TNRC18: variants seen among roughly 807,000 people sequenced by gnomAD.
TNRC18 encodes the protein trinucleotide repeat containing 18.
TNRC18 carries 69 observed loss-of-function variants against 226.7 expected under a neutral mutation model. That is an observed-to-expected ratio of 0.30 (90% CI 0.25 to 0.37). The LOEUF is 0.37. Ranked by LOEUF, TNRC18 falls within the 10% of genes least tolerant of loss-of-function variation. TNRC18 has a pLI of 1.00. For synonymous variants in TNRC18, 2,449 were observed against 1,927.6 expected (o/e 1.27, Z -7.09); for missense variants, 4,754 against 4,256.6 (o/e 1.12, Z -3.25).
chr7:5,415,078 A>G (rs1782091373), intron 2 of TNRC18, among the ~76,000 whole-genome samples: 1 of 151,952 alleles, frequency 6.6e-6, no homozygotes, highest in Admixed American at 6.6e-5. Flanking sequence ...CTGCCTCCTC[A>G]TTCCTCAGTT....
intron 18 of TNRC18, among the ~76,000 whole-genome samples, chr7:5,335,232 G>C (rs879731919): frequency 2.7e-5 from 4 of 147,558 alleles, no homozygotes; most frequent in Non-Finnish European, 4.5e-5. Flanking sequence ...GGACCCGGAG[G>C]TGGAGGCTGC....
intron 18 of TNRC18, among the ~76,000 whole-genome samples, chr7:5,338,826 A>T (rs1790379598): frequency 6.7e-6 from 1 of 148,904 alleles, no homozygotes; most frequent in Non-Finnish European, 1.5e-5. Context: ...AGGCTGAGGC[A>T]GGAGAATCAC....
chr7:5,400,146 C>T (rs1780982642), intron 2 of TNRC18, among the ~76,000 whole-genome samples: 1 of 152,080 alleles, frequency 6.6e-6, no homozygotes. Context: ...ATCCTCCCAC[C>T]TCGGCCTCCC....
chr7:5,370,994 C>A lies in TNRC18; in HGVS notation c.3600G>T (p.Leu1200=), dbSNP rs376015498. 2.1e-5 allele frequency: 33 copies of A among 1,606,846 alleles called. No individual in the cohort carries two copies. The highest frequency in any genetic ancestry group is 1.6e-4 in the East Asian group (7 of 44,884). The change falls in exon 11 of 30, where the codon CTG becomes CTT. Residue 1200 remains leucine, a synonymous_variant. Coordinates refer to ENST00000430969, the MANE Select transcript of TNRC18 (RefSeq NM_001080495.3). Reference sequence around the variant, plus strand: ...TGGCACTCAGCGCCTGGGCCTCCAACAGGCCACCTCCACAACCCCCTGCAG... The same window carrying A: ...TGGCACTCAGCGCCTGGGCCTCCAAAAGGCCACCTCCACAACCCCCTGCAG... ...PSPAGGCGGG[L]LEAQALSATG...
Position 5,308,068 on chromosome 7 carries a change from G to A in TNRC18, c.*38C>T, listed in dbSNP as rs1344737937. ...CAGTGATGGAGATGGGTCCCTGGCC[G>A]CCCTCGGGGCACAGGTGGCCCGCAG... On this transcript the variant is annotated 3_prime_UTR_variant, in exon 30 of 30. Coordinates refer to ENST00000430969, the MANE Select transcript of TNRC18 (RefSeq NM_001080495.3). 20 of 1,527,962 alleles carry A rather than the reference G, an allele frequency of 1.3e-5. No homozygotes were observed. The highest frequency in any genetic ancestry group is 3.6e-5 in the South Asian group (3 of 83,078). The allele number at this position is 1,527,962 out of a possible 1,614,324, so 94.7% of individuals were successfully genotyped here.
intron 2 of TNRC18, among the ~76,000 whole-genome samples, chr7:5,404,748 C>T (rs1472385399): frequency 1.4e-5 from 2 of 145,822 alleles, no homozygotes; most frequent in Admixed American, 6.9e-5. Flanking sequence ...ACCCCAGCAG[C>T]GCATGCACAC....
intron 1 of TNRC18, chr7:5,422,907 T>C (rs959482201): frequency 2.0e-5 from 3 of 152,202 alleles, no homozygotes; most frequent in Admixed American, 6.5e-5. Flanking sequence ...AAGAGATTCT[T>C]TGGGTAGCTT....
rs1214216755 is a variant in TNRC18 at position 5,394,662 on chromosome 7, G to A, written c.188-67C>T. The A allele has an allele frequency of 2.5e-5, 28 of 1,114,712 alleles. No individual in the cohort carries two copies. The highest frequency in any genetic ancestry group is 3.1e-5 in the Non-Finnish European group (26 of 840,000). The allele number at this position is 1,114,712 out of a possible 1,614,324, so 69.1% of individuals were successfully genotyped here. A position where few individuals can be genotyped will look rare whatever the true frequency, so the allele number is the denominator to read the frequency against. ...GGAGGCGCCGCCGCCCCAGCCCACC[G>A]CCCCGACCCACCGCCCCGAGACCGC... On this transcript the variant is annotated intron_variant, in intron 2 of 29. Coordinates refer to ENST00000430969, the MANE Select transcript of TNRC18 (RefSeq NM_001080495.3). This position sits in a 1 kb window ranked among gnomAD's most constrained non-coding sequence, Gnocchi z 4.5.
rs1393128382 is a variant in TNRC18, at chr7:5,377,826, C to T, written c.2255+96G>A. The T allele has an allele frequency of 1.1e-5, 14 of 1,261,386 alleles. No homozygotes were observed. Among genetic ancestry groups the T allele is most frequent in the African/African-American group, 1.5e-5 (1 of 68,400 alleles). The allele number at this position is 1,261,386 out of a possible 1,614,324, so 78.1% of individuals were successfully genotyped here. On this transcript the variant is annotated intron_variant, in intron 6 of 29. Coordinates refer to ENST00000430969, the MANE Select transcript of TNRC18 (RefSeq NM_001080495.3). This position sits in a 1 kb window ranked among gnomAD's most constrained non-coding sequence, Gnocchi z 5.8. ...CTCTCAGTACCATAGCATCCATGGT[C>T]GAGGGGCCAAGCCCACCTGGGGTCA...
At chr7:5,310,984 G>T (rs1412047761) in intron 27 of TNRC18, among the ~76,000 whole-genome samples, 1 of 151,706 alleles carries the variant, frequency 6.6e-6, no homozygotes, top group Non-Finnish European at 1.5e-5. Flanking sequence ...GCATGCACGT[G>T]CATGGATGCA....
chr7:5,324,237 G>A lies in TNRC18; in HGVS notation c.6419C>T (p.Ala2140Val). 1 of 1,609,766 alleles carries A rather than the reference G, an allele frequency of 6.2e-7. No homozygotes were observed. The highest frequency in any genetic ancestry group is 1.3e-5 in the African/African-American group (1 of 74,986). The change falls in exon 21 of 30, where the codon GCT (alanine) becomes GTT (valine). Residue 2140 changes from alanine (A) to valine (V), a missense_variant. Coordinates refer to ENST00000430969, the MANE Select transcript of TNRC18 (RefSeq NM_001080495.3). This position sits in a 1 kb window ranked among gnomAD's most constrained non-coding sequence, Gnocchi z 4.8. ...SEDEHLPRGG[A>V]VERPLTPAPR... ...ACCCGGGGTCAGCGGCCGCTCCACA[G>A]CCCCGCCACGCGGCAGGTGCTCGTC...
At chr7:5,393,022 G>T (rs1780412705) in intron 3 of TNRC18, among the ~76,000 whole-genome samples, 1 of 152,208 alleles carries the variant, frequency 6.6e-6, no homozygotes, top group Non-Finnish European at 1.5e-5. Context: ...AAAAAAAAGG[G>T]CCTAACAGTC....
chr7:5,387,446 G>A (rs1185214648), intron 5 of TNRC18, among the ~76,000 whole-genome samples: 1 of 152,214 alleles, frequency 6.6e-6, no homozygotes, highest in Non-Finnish European at 1.5e-5. Context: ...TGAAAGCAAC[G>A]TTCCGAACAC....
chr7:5,345,588 T>G lies in TNRC18; in HGVS notation c.5693A>C (p.Lys1898Thr). ...VQLEAKQKAR[K>T]KEERQSLLGT... ...CAGCAGGCTCTGCCGCTCCTCTTTC[T>G]TCCGGGCCTTCTGCTTGGCCTCCAG... The change falls in exon 18 of 30, where the codon AAG becomes ACG. Residue 1898 changes from lysine (K) to threonine (T), a missense_variant. Physicochemically the swap from Lys to Thr is moderately conservative, Grantham distance 78. Transcript: ENST00000430969. 1 of 1,330,348 alleles carries G rather than the reference T, an allele frequency of 7.5e-7. No homozygotes were observed. 82.4% of individuals were successfully genotyped at this position (1,330,348 alleles called of 1,614,324 possible). A position where few individuals can be genotyped will look rare whatever the true frequency, so the allele number is the denominator to read the frequency against.
At chr7:5,319,535 G>A (rs1261867438) in intron 24 of TNRC18, among the ~76,000 whole-genome samples, 1 of 151,932 alleles carries the variant, frequency 6.6e-6, no homozygotes, top group Non-Finnish European at 1.5e-5. Flanking sequence ...TTGAGACGTA[G>A]TCTCACTCTG....
chr7:5,330,318 C>T (rs891602596), intron 19 of TNRC18, among the ~76,000 whole-genome samples: 6 of 152,116 alleles, frequency 3.9e-5, no homozygotes, highest in Non-Finnish European at 7.4e-5. Context: ...CAGCCTTCAC[C>T]TCCTGGGCTC....
In TNRC18 at chr7:5,376,180, G is replaced by T; in HGVS notation, c.2653C>A (p.Leu885Met). Reference protein sequence around the residue: ...RATVPPLWPALYPPGRSPLHH... With the variant: ...RATVPPLWPAMYPPGRSPLHH... The stretch of plus-strand genomic sequence containing the variant: ...AGGGGGCTGCGGCCCGGCGGGTACA[G>T]GGCGGGCCAGAGGGGCGGTACGGTG... The change falls in exon 9 of 30, where the codon CTG (leucine) becomes ATG (methionine). Residue 885 changes from leucine (L) to methionine (M), a missense_variant. Physicochemically the swap from Leu to Met is conservative, Grantham distance 15 (BLOSUM62 2). Coordinates refer to ENST00000430969, the MANE Select transcript of TNRC18 (RefSeq NM_001080495.3). 6.4e-7 allele frequency: 1 copy of T among 1,561,798 alleles called. No homozygotes were observed. Among genetic ancestry groups the T allele is most frequent in the East Asian group, 2.3e-5 (1 of 42,982 alleles).
rs1167458261 is a variant in TNRC18 at position 5,345,775 on chromosome 7, GCTCCTCCTCCTCGTC to G, written c.5491_5505del (p.Asp1831_Glu1835del). 3 of 1,546,366 alleles carry G rather than the reference GCTCCTCCTCCTCGTC, an allele frequency of 1.9e-6. No individual in the cohort carries two copies. The highest frequency in any genetic ancestry group is 1.4e-5 in the African/African-American group (1 of 72,922). ...CCGCTGGCCTCGTCCTCCTCCTCGA[GCTCCTCCTCCTCGTC>G]CTCCTCCTCCGAGCTCTCATCTGGC... On this transcript the variant is annotated inframe_deletion, in exon 18 of 30. Coordinates refer to ENST00000430969, the MANE Select transcript of TNRC18 (RefSeq NM_001080495.3).
intron 19 of TNRC18, 170 bp from the exon 20 acceptor site, chr7:5,325,418 G>GTTT (rs138438851): frequency 2.7e-5 from 16 of 589,580 alleles, no homozygotes; most frequent in Admixed American, 7.7e-5. Flanking sequence ...TTGGTTTTGG[G>GTTT]TTTTTTTTTG....
Sources: gnomAD v4.1 joint callset for allele counts (sites outside exome capture counted in the v4.1 genomes callset) on GRCh38, gnomAD v4.1.1 for gene constraint, Gnocchi (gnomAD v3.1) non-coding constraint, MANE v1.5 for transcripts, NCBI Gene and HGNC (gene_info 2026-07-23, HGNC 2026-07-21) for gene names.